The following PDE1A variants were observed in gnomAD, a reference collection of about 807,000 sequenced individuals.
The protein encoded by PDE1A is dual specificity calcium/calmodulin-dependent 3',5'-cyclic nucleotide phosphodiesterase 1A.
In PDE1A, 35 loss-of-function variants were observed where a neutral mutation model predicts 61.7. That is an observed-to-expected ratio of 0.57 (90% CI 0.43 to 0.75). The LOEUF is 0.75. Among genes scored for constraint, PDE1A ranks in the 30% least tolerant of loss-of-function variants. The pLI, the probability that PDE1A is intolerant of heterozygous loss-of-function variation, is 0.00. For missense variants in PDE1A, 597 were observed against 630.6 expected (o/e 0.95, Z 0.57); for synonymous variants, 232 against 213.2 (o/e 1.09, Z -0.77).
chr2:182,414,439 T>C (rs1702799456), intron 1 of PDE1A, among the ~76,000 whole-genome samples: 1 of 152,110 alleles, frequency 6.6e-6, no homozygotes, highest in Non-Finnish European at 1.5e-5. Flanking sequence ...TGCTCAGATA[T>C]AAACTCACAG....
intron 8 of PDE1A, among the ~76,000 whole-genome samples, chr2:182,203,965 T>A (rs961122672): frequency 2.0e-5 from 3 of 152,044 alleles, no homozygotes; most frequent in African/African-American, 7.2e-5. Context: ...TTAAAAACAT[T>A]CAATTAAAAT....
intron 10 of PDE1A, among the ~76,000 whole-genome samples, chr2:182,198,204 T>G (rs1042869473): frequency 6.6e-6 from 1 of 151,972 alleles, no homozygotes; most frequent in African/African-American, 2.4e-5. Context: ...GTTTGCAGCT[T>G]GCATACAGAA....
At chr2:182,705,588 A>G in the PDE1A span, among the ~76,000 whole-genome samples, 1 of 152,034 alleles carries the variant, frequency 6.6e-6, no homozygotes, top group East Asian at 1.9e-4. Context: ...TTCCCAGCTC[A>G]CTGCAACTGA....
chr2:182,418,504 C>T (rs1392580767), intron 1 of PDE1A, among the ~76,000 whole-genome samples: 1 of 152,154 alleles, frequency 6.6e-6, no homozygotes, highest in Non-Finnish European at 1.5e-5. Context: ...TTCCTGTCCT[C>T]ACTGGTCACT....
chr2:182,293,877 G>A (rs1328096585), intron 1 of PDE1A, among the ~76,000 whole-genome samples: 1 of 152,136 alleles, frequency 6.6e-6, no homozygotes, highest in African/African-American at 2.4e-5. Context: ...GGCATTGTGA[G>A]GTAGTGTTAA....
At chr2:182,469,284 G>A (rs1265828649) in intron 2 of PDE1A, among the ~76,000 whole-genome samples, 2 of 151,934 alleles carry the variant, frequency 1.3e-5, no homozygotes, top group Non-Finnish European at 2.9e-5. Context: ...ATCTTAGCCA[G>A]ATCTTCTGGA....
At chr2:182,518,189 G>C (rs557847521) in intron 2 of PDE1A, among the ~76,000 whole-genome samples, 1 of 151,990 alleles carries the variant, frequency 6.6e-6, no homozygotes, top group Admixed American at 6.6e-5. Context: ...TTCCAATTTG[G>C]GAATATGATG....
At chr2:182,654,465 G>A in the PDE1A span, among the ~76,000 whole-genome samples, 1 of 152,032 alleles carries the variant, frequency 6.6e-6, no homozygotes, top group South Asian at 2.1e-4. Flanking sequence ...ATTTAGGTCA[G>A]GACTCCATTT....
the PDE1A span, among the ~76,000 whole-genome samples, chr2:182,699,179 A>G: frequency 1.3e-5 from 2 of 152,224 alleles, no homozygotes; most frequent in Non-Finnish European, 2.9e-5. Flanking sequence ...GAAGGAAACC[A>G]GGGTAGGAAT....
the PDE1A span, among the ~76,000 whole-genome samples, chr2:182,541,663 T>C: frequency 6.6e-6 from 1 of 152,208 alleles, no homozygotes; most frequent in East Asian, 1.9e-4. Context: ...ATAAGGTTTA[T>C]AAAAACCTAT....
intron 1 of PDE1A, among the ~76,000 whole-genome samples, chr2:182,345,536 ACT>A (rs761277613): frequency 4.6e-5 from 7 of 151,480 alleles, no homozygotes; most frequent in Non-Finnish European, 1.0e-4. Flanking sequence ...GACTTAAGAG[ACT>A]CTACACAGCC....
chr2:182,681,509 A>G, the PDE1A span, among the ~76,000 whole-genome samples: 1 of 151,600 alleles, frequency 6.6e-6, no homozygotes, highest in African/African-American at 2.4e-5. Context: ...CACAAAAAAA[A>G]CCTGACAGCT....
intron 10 of PDE1A, among the ~76,000 whole-genome samples, chr2:182,194,812 GACAA>G (rs1686001324): frequency 6.6e-6 from 1 of 151,676 alleles, no homozygotes; most frequent in Non-Finnish European, 1.5e-5. Flanking sequence ...GAGTTCGGTA[GACAA>G]ACTAATAAGA....
intron 2 of PDE1A, among the ~76,000 whole-genome samples, chr2:182,261,702 G>A (rs976130902): frequency 7.9e-5 from 12 of 152,052 alleles, no homozygotes; most frequent in African/African-American, 2.9e-4. Context: ...GGGATCATAG[G>A]GAACTAAGTT....
the PDE1A span, among the ~76,000 whole-genome samples, chr2:182,651,520 T>G: frequency 6.6e-6 from 1 of 152,246 alleles, no homozygotes; most frequent in East Asian, 1.9e-4. Context: ...AGATTTGTAT[T>G]GAAAATGTGT....
At chr2:182,331,762 T>C (rs1697426264) in intron 1 of PDE1A, among the ~76,000 whole-genome samples, 1 of 152,200 alleles carries the variant, frequency 6.6e-6, no homozygotes, top group Non-Finnish European at 1.5e-5. Context: ...CCGACCTTTC[T>C]TTCTGGCTGC....
At chr2:182,243,424 A>T (rs1690709696) in intron 2 of PDE1A, among the ~76,000 whole-genome samples, 1 of 152,192 alleles carries the variant, frequency 6.6e-6, no homozygotes, top group African/African-American at 2.4e-5. Flanking sequence ...CCAGATAGAA[A>T]GAAGGGCAAG....
At chr2:182,451,987 T>A (rs181348474) in intron 2 of PDE1A, among the ~76,000 whole-genome samples, 12 of 152,192 alleles carry the variant, frequency 7.9e-5, no homozygotes, top group East Asian at 5.8e-4. Flanking sequence ...TTTTTTTTTT[T>A]ATCTGAGTTT....
chr2:182,241,700 C>G lies in PDE1A; in HGVS notation c.168-1408G>C, dbSNP rs2623435. 0.68 allele frequency: 430,165 copies of G among 630,902 alleles called. 147,913 individuals carry two copies. Among genetic ancestry groups the G allele is most frequent in the African/African-American group, 0.83 (44,068 of 53,164 alleles). The allele number at this position is 630,902 out of a possible 1,614,324, so 39.1% of individuals were successfully genotyped here. A position where few individuals can be genotyped will look rare whatever the true frequency, so the allele number is the denominator to read the frequency against. On this transcript the variant is annotated intron_variant, in intron 2 of 13. Transcript: ENST00000351439. ...AAGCATGAATGTATTTATGAAATAC[C>G]TTATAAAAAATAAACATAAGTTCTG...
Sources: gnomAD v4.1 joint callset for allele counts (sites outside exome capture counted in the v4.1 genomes callset) on GRCh38, gnomAD v4.1.1 for gene constraint, MANE v1.5 for transcripts, NCBI Gene and HGNC (gene_info 2026-07-23, HGNC 2026-07-21) for gene names.